Variants in REEP3 observed in about 807,000 individuals in gnomAD.
The protein encoded by REEP3 is receptor accessory protein 3.
REEP3 carries 20 observed loss-of-function variants against 41.3 expected under a neutral mutation model. That is an observed-to-expected ratio of 0.48 (90% CI 0.34 to 0.70). The LOEUF is 0.70. REEP3 is among the 30% of genes least tolerant of loss of function. The pLI is 0.01. For synonymous variants in REEP3, 104 were observed against 101.8 expected, an observed-to-expected ratio of 1.02 and a Z score of -0.13; for missense variants, 271 against 308.8, an observed-to-expected ratio of 0.88 and a Z score of 0.92.
At chr10:63,540,143 G>A (rs1955515806) in intron 1 of REEP3, among the ~76,000 whole-genome samples, 2 of 152,166 alleles carry the variant, frequency 1.3e-5, no homozygotes, top group South Asian at 4.1e-4. Context: ...AAACTTGATT[G>A]GTCTTTTAAG....
At chr10:63,558,604 T>G (rs1955712354) in intron 1 of REEP3, among the ~76,000 whole-genome samples, 1 of 152,042 alleles carries the variant, frequency 6.6e-6, no homozygotes, top group East Asian at 1.9e-4. Context: ...CTGGCCAACA[T>G]GGCAAGACCC....
chr10:63,599,470 T>C (rs2133412987), intron 5 of REEP3, among the ~76,000 whole-genome samples, 187 bp downstream of exon 5: 1 of 152,372 alleles, frequency 6.6e-6, no homozygotes, highest in African/African-American at 2.4e-5. Context: ...TTTGAATCTC[T>C]TAATTCATCA....
chr10:63,566,290 TA>T (rs1318754380), intron 1 of REEP3, 47 bp from the exon 2 acceptor site: 1 of 1,087,992 alleles, frequency 9.2e-7, no homozygotes, highest in Admixed American at 2.1e-5. Flanking sequence ...ATGAGCTGTT[TA>T]AAACATTGTT....
At chr10:63,533,201 A>G (rs1955440498) in intron 1 of REEP3, among the ~76,000 whole-genome samples, 1 of 152,254 alleles carries the variant, frequency 6.6e-6, no homozygotes, top group African/African-American at 2.4e-5. Flanking sequence ...GTGGAGGATC[A>G]GATAGAAAAT....
chr10:63,571,132 C>T (rs1955848427), intron 2 of REEP3, among the ~76,000 whole-genome samples: 1 of 151,940 alleles, frequency 6.6e-6, no homozygotes, highest in Admixed American at 6.6e-5. Flanking sequence ...GTAGTGGGAT[C>T]AGGGGGAGGC....
chr10:63,578,687 G>A (rs1172944384), intron 2 of REEP3, among the ~76,000 whole-genome samples: 6 of 152,070 alleles, frequency 3.9e-5, no homozygotes, highest in African/African-American at 1.4e-4. Flanking sequence ...TGATGTGGGA[G>A]GATCGCTCAA....
At chr10:63,595,114 A>G (rs1466168571) in intron 3 of REEP3, among the ~76,000 whole-genome samples, 1 of 152,196 alleles carries the variant, frequency 6.6e-6, no homozygotes, top group Non-Finnish European at 1.5e-5. Flanking sequence ...GAATAGGGAA[A>G]GTTGATTGTC....
chr10:63,567,332 C>T (rs1955809044), intron 2 of REEP3, among the ~76,000 whole-genome samples: 1 of 152,006 alleles, frequency 6.6e-6, no homozygotes, highest in South Asian at 2.1e-4. Context: ...TTCGTCACCC[C>T]AAATAAAACC....
At chr10:63,546,233 A>G (rs1955577466) in intron 1 of REEP3, among the ~76,000 whole-genome samples, 1 of 152,230 alleles carries the variant, frequency 6.6e-6, no homozygotes, top group Non-Finnish European at 1.5e-5. Context: ...AACAGCCTGT[A>G]TCGAAGCAAA....
At chr10:63,548,700 ATGT>A (rs1352863423) in intron 1 of REEP3, among the ~76,000 whole-genome samples, 4 of 152,162 alleles carry the variant, frequency 2.6e-5, no homozygotes, top group Non-Finnish European at 5.9e-5. Context: ...ATGAACAAAA[ATGT>A]AACTGCGATG....
intron 2 of REEP3, among the ~76,000 whole-genome samples, chr10:63,574,728 G>C (rs2133382975): frequency 6.6e-6 from 1 of 151,338 alleles, no homozygotes; most frequent in African/African-American, 2.4e-5. Context: ...TCCTAGAGTT[G>C]TGTGCATTTC....
chr10:63,555,296 A>G (rs896183249), intron 1 of REEP3, among the ~76,000 whole-genome samples: 2 of 151,714 alleles, frequency 1.3e-5, no homozygotes, highest in South Asian at 2.1e-4. Flanking sequence ...CTTGTATGGA[A>G]TTTTCATATT....
chr10:63,540,693 T>C lies in REEP3; in HGVS notation c.32+19116T>C, dbSNP rs186320960. Among the ~76,000 whole-genome samples, 461 of 152,322 alleles carry C rather than the reference T, an allele frequency of 3.0e-3. 1 individual carries two copies. Among genetic ancestry groups the C allele is most frequent in the Non-Finnish European group, 4.7e-3 (321 of 68,034 alleles). On this transcript the variant is annotated intron_variant, in intron 1 of 7. Coordinates refer to ENST00000373758, the MANE Select transcript of REEP3 (RefSeq NM_001001330.3). ...CGGTTAAGTACAATTTATTTATTCCTTCAGTTTTACTTATCACCTGTTAAA... is the reference window on the plus strand; with the variant it reads ...CGGTTAAGTACAATTTATTTATTCCCTCAGTTTTACTTATCACCTGTTAAA...
At chr10:63,583,254 GT>G (rs1302232768) in intron 2 of REEP3, among the ~76,000 whole-genome samples, 2 of 152,082 alleles carry the variant, frequency 1.3e-5, no homozygotes, top group Non-Finnish European at 2.9e-5. Context: ...GCCTCCCAAA[GT>G]GCTGGGACTA....
rs1436201631 is a variant in REEP3, at chr10:63,619,820, G to C, written c.711+20G>C. On this transcript the variant is annotated intron_variant, in intron 7 of 7. Transcript: ENST00000373758. ...AAAGAGGTTGGTTAAGTGTAGAGCT[G>C]TTTTCCTAATGATTAGTGAAGGATT... 1 of 1,571,104 alleles carries C rather than the reference G, an allele frequency of 6.4e-7. No homozygotes were observed. Among genetic ancestry groups the C allele is most frequent in the South Asian group, 1.2e-5 (1 of 86,332 alleles).
chr10:63,558,132 C>T (rs1314021044), intron 1 of REEP3, among the ~76,000 whole-genome samples: 1 of 152,068 alleles, frequency 6.6e-6, no homozygotes, highest in African/African-American at 2.4e-5. Flanking sequence ...TGACTTTCCC[C>T]CCAAAGGAGA....
intron 5 of REEP3, chr10:63,599,676 T>C (rs1016538628): frequency 5.1e-6 from 5 of 985,844 alleles, no homozygotes; most frequent in Non-Finnish European, 6.0e-6. Context: ...GTAGGATTTC[T>C]GGCTTACTTC....
chr10:63,571,316 C>A (rs1031173988), intron 2 of REEP3, among the ~76,000 whole-genome samples: 2 of 152,172 alleles, frequency 1.3e-5, no homozygotes. Context: ...TAAATTTATT[C>A]TCTTACAGTC....
chr10:63,564,487 G>T (rs990241264), intron 1 of REEP3, among the ~76,000 whole-genome samples: 2 of 151,938 alleles, frequency 1.3e-5, no homozygotes, highest in African/African-American at 4.8e-5. Context: ...GCGAGACATG[G>T]TAGCACATGC....
Sources: allele counts gnomAD v4.1 joint callset (sites outside exome capture counted in the v4.1 genomes callset), GRCh38; gene constraint gnomAD v4.1.1; transcripts MANE v1.5; gene names NCBI Gene and HGNC (gene_info 2026-07-23, HGNC 2026-07-21).